Variants in SIL1 observed in about 807,000 individuals in gnomAD.
SIL1 encodes the protein SIL1 nucleotide exchange factor.
SIL1 carries 40 observed loss-of-function variants against 49.1 expected under a neutral mutation model. That is an observed-to-expected ratio of 0.81 (90% CI 0.63 to 1.06). The LOEUF is 1.06. Among genes scored for constraint, SIL1 ranks in the 50% least tolerant of loss-of-function variants. The pLI is 0.00. For synonymous variants in SIL1, 253 were observed against 250.8 expected, an observed-to-expected ratio of 1.01 and a Z score of -0.08; for missense variants, 500 against 572.6, an observed-to-expected ratio of 0.87 and a Z score of 1.29.
chr5:138,977,116 T>C (rs1008485008), intron 7 of SIL1, among the ~76,000 whole-genome samples: 18 of 152,168 alleles, frequency 1.2e-4, no homozygotes, highest in Admixed American at 1.3e-4. Flanking sequence ...TCTACTCGTC[T>C]CAGGACCAGG....
intron 9 of SIL1, among the ~76,000 whole-genome samples, chr5:138,949,281 G>C (rs543298420): frequency 2.7e-4 from 41 of 152,286 alleles, no homozygotes; most frequent in African/African-American, 9.9e-4. Context: ...TGGTCTCTCA[G>C]TAGAGGTCCT....
chr5:139,061,761 C>G (rs1302174977), intron 3 of SIL1, among the ~76,000 whole-genome samples: 1 of 152,136 alleles, frequency 6.6e-6, no homozygotes, highest in African/African-American at 2.4e-5. Context: ...GCTTATTTGT[C>G]AAGTCCTACA....
At chr5:138,958,333 T>C (rs1434463968) in intron 7 of SIL1, among the ~76,000 whole-genome samples, 1 of 152,212 alleles carries the variant, frequency 6.6e-6, no homozygotes. Flanking sequence ...GTGTATCACA[T>C]AGGAGGGCAA....
At chr5:138,952,004 C>A in intron 7 of SIL1, 120 bp from the exon 8 acceptor site, 1 of 895,550 alleles carries the variant, frequency 1.1e-6, no homozygotes, top group Non-Finnish European at 1.8e-6. Flanking sequence ...GGTTCCCACA[C>A]GGGGCAAGTC....
At chr5:139,086,107 C>T (rs1269450152) in intron 3 of SIL1, among the ~76,000 whole-genome samples, 3 of 114,322 alleles carry the variant, frequency 2.6e-5, no homozygotes, top group African/African-American at 8.3e-5. Context: ...CCGACTCTAC[C>T]GAAAAAAAAA....
rs1004361508 is a variant in SIL1 at position 139,026,945 on chromosome 5, C to T, written c.501G>A (p.Leu167=). ...VKRLFRPIEE[L]KKDFDELNVV... ...CATTCAGCTCATCAAAGTCTTTCTT[C>T]AGTTCCTCAATGGGGCGGAAGAGCC... The change falls in exon 6 of 10, where the codon CTG becomes CTA. Residue 167 remains leucine, a synonymous_variant. Transcript: ENST00000394817. The T allele has an allele frequency of 2.5e-6, 4 of 1,614,180 alleles. No homozygotes were observed. Among genetic ancestry groups the T allele is most frequent in the Admixed American group, 3.3e-5 (2 of 60,030 alleles).
intron 1 of SIL1, among the ~76,000 whole-genome samples, chr5:139,149,126 G>GAA (rs957808468): frequency 2.1e-5 from 3 of 143,774 alleles, no homozygotes; most frequent in African/African-American, 7.6e-5. Flanking sequence ...GAGCACCCAG[G>GAA]AAAAAAAAAA....
chr5:139,033,143 G>A (rs1345511983), intron 5 of SIL1, among the ~76,000 whole-genome samples: 25 of 151,940 alleles, frequency 1.6e-4, no homozygotes, highest in Admixed American at 1.4e-3. Flanking sequence ...ACAAGCGTGC[G>A]CCACCATGCC....
chr5:138,962,829 A>T (rs1767050932), intron 7 of SIL1, among the ~76,000 whole-genome samples: 3 of 152,298 alleles, frequency 2.0e-5, no homozygotes, highest in African/African-American at 7.2e-5. Context: ...AGAGGGAGAG[A>T]TTGGGAGGAA....
chr5:139,030,069 G>A (rs1162021571), intron 5 of SIL1, among the ~76,000 whole-genome samples: 1 of 151,828 alleles, frequency 6.6e-6, no homozygotes, highest in Non-Finnish European at 1.5e-5. Context: ...TATAATCTCA[G>A]CACTTTGGGA....
chr5:139,126,582 G>A (rs1430510440), intron 2 of SIL1, among the ~76,000 whole-genome samples: 1 of 152,082 alleles, frequency 6.6e-6, no homozygotes, highest in Admixed American at 6.5e-5. Flanking sequence ...CATTCTCAGG[G>A]GCCCCTGGGA....
chr5:139,135,535 A>G (rs573396751), intron 1 of SIL1, among the ~76,000 whole-genome samples: 1 of 152,292 alleles, frequency 6.6e-6, no homozygotes, highest in Non-Finnish European at 1.5e-5. Context: ...CCACAGGCCC[A>G]GCTGGGAATA....
At chr5:139,064,969 C>T (rs1465611061) in intron 3 of SIL1, among the ~76,000 whole-genome samples, 2 of 152,196 alleles carry the variant, frequency 1.3e-5, no homozygotes, top group African/African-American at 4.8e-5. Flanking sequence ...TGGCTCTTGC[C>T]TCTCTGTGAC....
At chr5:138,981,829 CTCTTT>C (rs1767532149) in intron 7 of SIL1, among the ~76,000 whole-genome samples, 1 of 151,166 alleles carries the variant, frequency 6.6e-6, no homozygotes, top group Non-Finnish European at 1.5e-5. Context: ...CAATCTCTCT[CTCTTT>C]TTTTTTTCTC....
At chr5:139,188,273 G>A (rs958113156) in intron 1 of SIL1, among the ~76,000 whole-genome samples, 4 of 152,120 alleles carry the variant, frequency 2.6e-5, no homozygotes, top group Non-Finnish European at 4.4e-5. Flanking sequence ...AATAATTCTG[G>A]AGCACAGTCA....
chr5:139,035,450 C>A (rs2150439960), intron 5 of SIL1: 1 of 539,282 alleles, frequency 1.9e-6, no homozygotes, highest in South Asian at 1.4e-5. Context: ...CCTGTCTGTT[C>A]TGAATGGCCA....
chr5:138,967,973 G>A (rs1767182167), intron 7 of SIL1, among the ~76,000 whole-genome samples: 1 of 152,152 alleles, frequency 6.6e-6, no homozygotes, highest in Non-Finnish European at 1.5e-5. Context: ...GACGACTAAG[G>A]GAGAAGGCCT....
At chr5:139,105,651 A>G (rs1770687822) in intron 3 of SIL1, among the ~76,000 whole-genome samples, 1 of 152,190 alleles carries the variant, frequency 6.6e-6, no homozygotes, top group Non-Finnish European at 1.5e-5. Flanking sequence ...GAGTGCAGAC[A>G]TTCCCTCCCG....
intron 3 of SIL1, among the ~76,000 whole-genome samples, chr5:139,087,387 G>C (rs1770245730): frequency 6.6e-6 from 1 of 152,038 alleles, no homozygotes. Context: ...AGGCCACAAG[G>C]ACATTGAAAG....
Sources: gnomAD v4.1 joint callset for allele counts (sites outside exome capture counted in the v4.1 genomes callset) on GRCh38, gnomAD v4.1.1 for gene constraint, MANE v1.5 for transcripts, NCBI Gene and HGNC (gene_info 2026-07-23, HGNC 2026-07-21) for gene names.